Variants in ZNF385D observed in about 807,000 individuals in gnomAD.
ZNF385D encodes zinc finger protein 385D.
A neutral mutation model predicts 35.8 loss-of-function variants in ZNF385D; 15 were observed. The ratio of observed to expected loss-of-function variants is 0.42; its 90% CI spans 0.28 to 0.64. ZNF385D has a LOEUF of 0.64. ZNF385D is among the 30% of genes least tolerant of loss of function. ZNF385D has a pLI of 0.23. For synonymous variants in ZNF385D, 212 were observed against 186.8 expected, an observed-to-expected ratio of 1.13 and a Z score of -1.10; for missense variants, 474 against 494.6, an observed-to-expected ratio of 0.96 and a Z score of 0.39.
In ZNF385D at chr3:22,304,302, G is replaced by T. The variant is rs74390953; in HGVS notation, c.106+68148C>A. On this transcript the variant is annotated intron_variant, in intron 2 of 5. Coordinates refer to the ZNF385D transcript ENST00000494108. ...CACTTTATGATTTAATAGATATGTT[G>T]AAGTCAAAATCTTGCTGTTCCTGAT... Among the ~76,000 whole-genome samples, 1,152 of 152,172 alleles carry T rather than the reference G, an allele frequency of 7.6e-3. 23 individuals are homozygous for T. The highest frequency in any genetic ancestry group is 0.064 in the East Asian group (329 of 5,178).
chr3:22,141,918 C>T (rs943685449), intron 3 of ZNF385D, among the ~76,000 whole-genome samples: 8 of 152,150 alleles, frequency 5.3e-5, no homozygotes, highest in Non-Finnish European at 8.8e-5. Context: ...CATTTTATTG[C>T]CTCTTAAGCA....
intron 4 of ZNF385D, among the ~76,000 whole-genome samples, chr3:21,445,919 A>G (rs1431260279): frequency 6.6e-6 from 1 of 152,110 alleles, no homozygotes; most frequent in Non-Finnish European, 1.5e-5. Flanking sequence ...TCTTTTCTTT[A>G]TGCTCCTTTG....
intron 4 of ZNF385D, among the ~76,000 whole-genome samples, chr3:21,453,980 T>C (rs946472342): frequency 2.6e-5 from 4 of 152,088 alleles, no homozygotes; most frequent in Non-Finnish European, 5.9e-5. Flanking sequence ...ATAAATAAAA[T>C]GTAGTATTTC....
intron 1 of ZNF385D, among the ~76,000 whole-genome samples, chr3:21,738,639 G>A (rs1043791079): frequency 2.7e-4 from 41 of 152,262 alleles, no homozygotes; most frequent in Middle Eastern, 3.4e-3. Flanking sequence ...GTATTAATAA[G>A]AGCCAAATAT....
At chr3:21,848,405 T>G (rs1467055435) in intron 3 of ZNF385D, among the ~76,000 whole-genome samples, 1 of 151,182 alleles carries the variant, frequency 6.6e-6, no homozygotes, top group African/African-American at 2.4e-5. Context: ...ATAATAAAGA[T>G]TAGAAGAATA....
intron 2 of ZNF385D, among the ~76,000 whole-genome samples, chr3:21,626,236 C>T (rs1575347581): frequency 6.6e-6 from 1 of 151,970 alleles, no homozygotes; most frequent in Non-Finnish European, 1.5e-5. Context: ...CACAGAAGCC[C>T]CTCATATGTG....
At chr3:21,809,857 C>T (rs982384831) in intron 3 of ZNF385D, among the ~76,000 whole-genome samples, 2 of 151,708 alleles carry the variant, frequency 1.3e-5, no homozygotes, top group Non-Finnish European at 2.9e-5. Flanking sequence ...AACAGATAAC[C>T]TGAATTGAGG....
rs571609637 is a variant in ZNF385D, at chr3:22,034,127, A to G, written c.325+134690T>C. 6.6e-5 allele frequency among the ~76,000 whole-genome samples: 10 copies of G among 152,248 alleles called. No homozygotes were observed. In the East Asian group the frequency reaches 1.9e-3, roughly 29 times the overall value. On this transcript the variant is annotated intron_variant, in intron 3 of 5. Transcript: ENST00000494108. ...GGACTGAATGTTTGTGTTCCCCCCAAATTCATACCTTGAAACTTTATTCCC... is the reference window on the plus strand; with the variant it reads ...GGACTGAATGTTTGTGTTCCCCCCAGATTCATACCTTGAAACTTTATTCCC...
chr3:21,897,894 C>G (rs1267293949), intron 3 of ZNF385D, among the ~76,000 whole-genome samples: 1 of 152,016 alleles, frequency 6.6e-6, no homozygotes, highest in Non-Finnish European at 1.5e-5. Context: ...TAATCAATAC[C>G]CAGCATGGAT....
intron 3 of ZNF385D, among the ~76,000 whole-genome samples, chr3:21,855,648 G>A (rs9310661): frequency 0.31 from 47,822 of 151,832 alleles, 7,681 homozygotes; most frequent in East Asian, 0.35. Flanking sequence ...GAGCTCTTCT[G>A]TTTGCAGAAT....
chr3:21,997,856 G>GGCGC (rs59960063), intron 3 of ZNF385D, among the ~76,000 whole-genome samples: 4 of 143,060 alleles, frequency 2.8e-5, no homozygotes, highest in South Asian at 2.3e-4. Context: ...GTTGCTATTT[G>GGCGC]GCGCGCGCGC....
Position 21,510,823 on chromosome 3 carries a change from G to A in ZNF385D, c.439+38C>T, listed in dbSNP as rs369409796. 9.9e-6 allele frequency: 16 copies of A among 1,609,250 alleles called. No homozygotes were observed. The Admixed American group carries it at 1.8e-4, about 18-fold the overall frequency. On this transcript the variant is annotated intron_variant, in intron 4 of 7. Coordinates refer to ENST00000281523, the MANE Select transcript of ZNF385D (RefSeq NM_024697.3). Reference sequence around the variant, plus strand: ...GACAAGGGAGGGAATCCCCAACGACGACGACGAGGACAACAACAACAAAGA... The same window carrying A: ...GACAAGGGAGGGAATCCCCAACGACAACGACGAGGACAACAACAACAAAGA...
intron 3 of ZNF385D, among the ~76,000 whole-genome samples, chr3:22,128,891 G>A (rs1366818559): frequency 6.6e-6 from 1 of 152,144 alleles, no homozygotes; most frequent in Non-Finnish European, 1.5e-5. Flanking sequence ...ATTGGTCACT[G>A]TTGTCTCTTT....
chr3:22,130,714 G>A (rs1441038679), intron 3 of ZNF385D, among the ~76,000 whole-genome samples: 1 of 152,118 alleles, frequency 6.6e-6, no homozygotes, highest in African/African-American at 2.4e-5. Flanking sequence ...GACAATTCAA[G>A]ACTGCCTTTT....
At chr3:21,430,653 AC>A (rs1701253396) in intron 5 of ZNF385D, among the ~76,000 whole-genome samples, 1 of 152,130 alleles carries the variant, frequency 6.6e-6, no homozygotes, top group Non-Finnish European at 1.5e-5. Flanking sequence ...TGAAAGTGTG[AC>A]TATAGAAAAC....
chr3:22,112,527 T>C (rs1702587850), intron 3 of ZNF385D, among the ~76,000 whole-genome samples: 1 of 152,288 alleles, frequency 6.6e-6, no homozygotes, highest in East Asian at 1.9e-4. Flanking sequence ...TTTATCAATG[T>C]ATGTAAATCT....
chr3:21,849,326 T>C (rs950630269), intron 3 of ZNF385D, among the ~76,000 whole-genome samples: 4 of 152,146 alleles, frequency 2.6e-5, no homozygotes, highest in Admixed American at 1.3e-4. Flanking sequence ...AAGAATGAGC[T>C]AATACTTAAA....
chr3:21,978,028 G>C (rs557235258), intron 3 of ZNF385D, among the ~76,000 whole-genome samples: 1 of 152,274 alleles, frequency 6.6e-6, no homozygotes, highest in South Asian at 2.1e-4. Flanking sequence ...GATATTAATA[G>C]TGACACTACT....
intron 4 of ZNF385D, among the ~76,000 whole-genome samples, chr3:21,473,679 G>A (rs1482717430): frequency 1.3e-5 from 2 of 152,010 alleles, no homozygotes; most frequent in Non-Finnish European, 1.5e-5. Flanking sequence ...TTTATCTTCA[G>A]TTTCTCTAAT....
Sources: gnomAD v4.1 joint callset for allele counts (sites outside exome capture counted in the v4.1 genomes callset) on GRCh38, gnomAD v4.1.1 for gene constraint, MANE v1.5 for transcripts, NCBI Gene and HGNC (gene_info 2026-07-23, HGNC 2026-07-21) for gene names.